The following FREM2 variants were observed in gnomAD, a reference collection of about 807,000 sequenced individuals.
The protein encoded by FREM2 is FRAS1-related extracellular matrix protein 2.
In FREM2, 119 loss-of-function variants were observed where a neutral mutation model predicts 219.9. The observed-to-expected ratio is 0.54, with a 90% CI of 0.47 to 0.63. FREM2 has a LOEUF of 0.63. Among genes scored for constraint, FREM2 ranks in the 30% least tolerant of loss-of-function variants. The pLI is 0.00. For synonymous variants in FREM2, 1,562 were observed against 1,522.8 expected (o/e 1.03, Z -0.60); for missense variants, 4,030 against 3,993.6 (o/e 1.01, Z -0.25).
chr13:38,807,744 A>G (rs192959128), intron 6 of FREM2, among the ~76,000 whole-genome samples: 1 of 152,042 alleles, frequency 6.6e-6, no homozygotes, highest in Admixed American at 6.5e-5. Context: ...TTGTAAACGG[A>G]TGTACTGTCA....
At chr13:38,852,508 A>G (rs916636923) in intron 11 of FREM2, among the ~76,000 whole-genome samples, 7 of 152,328 alleles carry the variant, frequency 4.6e-5, no homozygotes, top group African/African-American at 1.7e-4. Context: ...TATGCATGAT[A>G]ACTGTGATAA....
intron 2 of FREM2, among the ~76,000 whole-genome samples, chr13:38,760,431 A>G (rs1423860801): frequency 2.6e-5 from 4 of 152,226 alleles, no homozygotes; most frequent in African/African-American, 9.6e-5. Context: ...ATATATAAGT[A>G]GAGATGAAAT....
chr13:38,818,251 T>C (rs921710497), intron 6 of FREM2, among the ~76,000 whole-genome samples: 2 of 152,172 alleles, frequency 1.3e-5, no homozygotes, highest in Admixed American at 6.6e-5. Context: ...ATTGCAGCAC[T>C]ATTTACAATA....
chr13:38,772,453 T>C (rs145355602), intron 4 of FREM2, among the ~76,000 whole-genome samples: 1 of 152,212 alleles, frequency 6.6e-6, no homozygotes, highest in Non-Finnish European at 1.5e-5. Flanking sequence ...TGTAAACATA[T>C]GTAAGTCTAT....
At chr13:38,870,399 G>A (rs1443157574) in intron 16 of FREM2, among the ~76,000 whole-genome samples, 1 of 152,084 alleles carries the variant, frequency 6.6e-6, no homozygotes, top group African/African-American at 2.4e-5. Context: ...ACTTCAAACA[G>A]CAATAGGGAC....
At chr13:38,789,136 T>G (rs907949931) in intron 6 of FREM2, among the ~76,000 whole-genome samples, 1 of 151,990 alleles carries the variant, frequency 6.6e-6, no homozygotes, top group African/African-American at 2.4e-5. Flanking sequence ...ATTAATTGAG[T>G]TGAGGTACTA....
chr13:38,751,431 C>G (rs923079914), intron 2 of FREM2, among the ~76,000 whole-genome samples: 1 of 152,190 alleles, frequency 6.6e-6, no homozygotes, highest in East Asian at 1.9e-4. Flanking sequence ...TTTCACAAAC[C>G]CTACAGAGCT....
chr13:38,835,441 T>C (rs1341285497), intron 6 of FREM2, among the ~76,000 whole-genome samples: 2 of 152,200 alleles, frequency 1.3e-5, no homozygotes, highest in African/African-American at 4.8e-5. Flanking sequence ...GCTTTTTTGG[T>C]TCCATATTAA....
Position 38,876,354 on chromosome 13 carries a change from C to G in FREM2, c.8516C>G (p.Thr2839Ser). ...ACCTGCAACCCCAGAGAACCTGTCA[C>G]CTTTGACCTTGACATCCGATTCCAA... Reference protein sequence around the residue: ...PVTCNPREPVTFDLDIRFQQV... With the variant: ...PVTCNPREPVSFDLDIRFQQV... Residue 2839 changes from threonine to serine, a missense_variant, in exon 20 of 24, where the codon ACC (threonine) becomes AGC (serine). Physicochemically the swap from Thr to Ser is moderately conservative, Grantham distance 58. This residue lies in a region of FREM2 where 928 missense variants were observed against 1,042.9 expected (regional missense o/e 0.89). Coordinates refer to ENST00000280481, the MANE Select transcript of FREM2 (RefSeq NM_207361.6). 1.2e-6 allele frequency: 2 copies of G among 1,613,872 alleles called. No individual in the cohort carries two copies. Among genetic ancestry groups the G allele is most frequent in the Non-Finnish European group, 8.5e-7 (1 of 1,179,912 alleles).
At chr13:38,817,660 A>G (rs947648440) in intron 6 of FREM2, among the ~76,000 whole-genome samples, 1 of 152,192 alleles carries the variant, frequency 6.6e-6, no homozygotes. Flanking sequence ...AGGACTTTTT[A>G]GATAAGACTT....
At chr13:38,762,594 C>A (rs1873272562) in intron 2 of FREM2, among the ~76,000 whole-genome samples, 1 of 152,066 alleles carries the variant, frequency 6.6e-6, no homozygotes, top group South Asian at 2.1e-4. Flanking sequence ...CATGCGCCAC[C>A]ATGCCTGGCT....
At chr13:38,709,591 A>G (rs1870681836) in intron 2 of FREM2, among the ~76,000 whole-genome samples, 1 of 152,132 alleles carries the variant, frequency 6.6e-6, no homozygotes, top group Non-Finnish European at 1.5e-5. Context: ...TATACTACAT[A>G]GGTATATATA....
chr13:38,813,198 T>G (rs898546696), intron 6 of FREM2, among the ~76,000 whole-genome samples: 1 of 152,132 alleles, frequency 6.6e-6, no homozygotes. Context: ...TAACATCCTT[T>G]TCTTTCAGAT....
chr13:38,749,574 C>T (rs1872640872), intron 2 of FREM2, among the ~76,000 whole-genome samples: 1 of 152,072 alleles, frequency 6.6e-6, no homozygotes, highest in South Asian at 2.1e-4. Context: ...AATTCTAATG[C>T]TTTGTGTGTG....
At chr13:38,783,806 G>A (rs1874216282) in intron 5 of FREM2, among the ~76,000 whole-genome samples, 1 of 152,216 alleles carries the variant, frequency 6.6e-6, no homozygotes, top group East Asian at 1.9e-4. Context: ...ATTAAAAGCC[G>A]ACTTCAGAGG....
At chr13:38,733,223 A>T (rs552895099) in intron 2 of FREM2, among the ~76,000 whole-genome samples, 3 of 152,254 alleles carry the variant, frequency 2.0e-5, no homozygotes, top group Non-Finnish European at 4.4e-5. Context: ...CTGAGGAGTA[A>T]GAAATAAAGA....
chr13:38,878,852 C>A lies in FREM2; in HGVS notation c.8881C>A (p.Gln2961Lys), dbSNP rs1878443580. 1 of 1,614,030 alleles carries A rather than the reference C, an allele frequency of 6.2e-7. No homozygotes were observed. The change falls in exon 23 of 24, where the codon CAA (glutamine) becomes AAA (lysine). Residue 2961 changes from glutamine (Q) to lysine (K), a missense_variant. Gln to Lys is a moderately conservative substitution (Grantham distance 53). Coordinates refer to ENST00000280481, the MANE Select transcript of FREM2 (RefSeq NM_207361.6). Reference sequence around the variant, plus strand: ...AAAGGACAAAGCTCAGCCAGAGACACAAGCGACCAGTTTTGGAAATGTCCT... The same window carrying A: ...AAAGGACAAAGCTCAGCCAGAGACAAAAGCGACCAGTTTTGGAAATGTCCT... ...KIVDKAQPET[Q>K]ATSFGNVLFN...
chr13:38,693,882 A>C (rs1294049348), intron 1 of FREM2, among the ~76,000 whole-genome samples: 1 of 152,202 alleles, frequency 6.6e-6, no homozygotes, highest in Non-Finnish European at 1.5e-5. Flanking sequence ...TCAAAGTGCC[A>C]AGTGTCATGC....
intron 2 of FREM2, among the ~76,000 whole-genome samples, chr13:38,761,355 A>T (rs1450882952): frequency 6.6e-6 from 1 of 152,102 alleles, no homozygotes; most frequent in East Asian, 1.9e-4. Context: ...AGTGTGGCAT[A>T]AAGGTGTTTT....
Sources: allele counts gnomAD v4.1 joint callset (sites outside exome capture counted in the v4.1 genomes callset), GRCh38; gene constraint gnomAD v4.1.1; regional missense constraint gnomAD v4.1.1; transcripts MANE v1.5; gene names NCBI Gene and HGNC (gene_info 2026-07-23, HGNC 2026-07-21).